Variants in BRD4 observed in about 807,000 individuals in gnomAD.
BRD4 encodes the protein bromodomain containing 4, also known as bromodomain-containing protein 4.
In BRD4, 16 loss-of-function variants were observed where a neutral mutation model predicts 142.1. The ratio of observed to expected loss-of-function variants is 0.11; its 90% CI spans 0.08 to 0.17. The LOEUF is 0.17. BRD4 is among the 10% of genes least tolerant of loss of function. The probability of loss-of-function intolerance (pLI) is 1.00; values close to 1 mark genes in which losing one functional copy is unlikely to be tolerated. For missense variants in BRD4, 1,424 were observed against 1,810.9 expected (o/e 0.79, Z 3.88); for synonymous variants, 833 against 707.5 (o/e 1.18, Z -2.82).
intron 1 of BRD4, among the ~76,000 whole-genome samples, chr19:15,318,415 T>C (rs1311076009): frequency 6.6e-6 from 1 of 152,222 alleles, no homozygotes; most frequent in Non-Finnish European, 1.5e-5. Context: ...TGGTATTATA[T>C]TTCCTATTCC....
intron 5 of BRD4, 93 bp from the exon 6 acceptor site, chr19:15,264,859 G>A: frequency 6.6e-7 from 1 of 1,516,212 alleles, no homozygotes; most frequent in Non-Finnish European, 8.8e-7. Flanking sequence ...CCCTGTCTTG[G>A]GGCCCATCGC....
rs2145569617 is a variant in BRD4, at chr19:15,255,280, AG to A, written c.2047+16del. ...TGCCCACAGAAGGAACCCCATGCCC[AG>A]GGGGCCCAAGCACACCTTGAGGTTT... is the stretch of plus-strand genomic sequence containing the variant. On this transcript the variant is annotated intron_variant, in intron 10 of 19. Transcript: ENST00000679869. The A allele has an allele frequency of 6.2e-7, 1 of 1,601,434 alleles. No homozygotes were observed.
chr19:15,325,549 ACAT>A (rs575703228), intron 1 of BRD4, among the ~76,000 whole-genome samples: 104 of 152,320 alleles, frequency 6.8e-4, no homozygotes, highest in Non-Finnish European at 1.3e-3. Context: ...TTGTTTTCAT[ACAT>A]CATCATTTGT....
In BRD4 at chr19:15,280,335, GCAC is replaced by G. The variant is rs760672667; in HGVS notation, c.-34-7205_-34-7203del. 185 of 1,014,100 alleles carry G rather than the reference GCAC, an allele frequency of 1.8e-4. No individual in the cohort carries two copies. The Middle Eastern group carries it at 3.8e-3, about 21-fold the overall frequency. The allele number at this position is 1,014,100 out of a possible 1,614,324, so 62.8% of individuals were successfully genotyped here. ...ACACGGGTCTTTGGCTTGGCCAGCA[GCAC>G]CACACTTTGCTGTACCCATCAGTGG... On this transcript the variant is annotated intron_variant, in intron 1 of 19. Transcript: ENST00000679869.
At chr19:15,259,199 A>C (rs961474877) in intron 7 of BRD4, among the ~76,000 whole-genome samples, 1 of 152,230 alleles carries the variant, frequency 6.6e-6, no homozygotes, top group Non-Finnish European at 1.5e-5. Context: ...CCTGCTGCCA[A>C]GCAGCAGGAA....
At chr19:15,327,940 C>T (rs779836237) in intron 1 of BRD4, among the ~76,000 whole-genome samples, 43 of 124,084 alleles carry the variant, frequency 3.5e-4, no homozygotes, top group Non-Finnish European at 5.5e-4. Flanking sequence ...GTGGAAATGT[C>T]CTAAAATTGG....
chr19:15,328,356 C>A (rs1229662346), intron 1 of BRD4, among the ~76,000 whole-genome samples: 1 of 152,046 alleles, frequency 6.6e-6, no homozygotes, highest in Non-Finnish European at 1.5e-5. Context: ...TGTTTATTGC[C>A]CACTTCATAT....
chr19:15,299,414 G>A (rs1412383252), intron 1 of BRD4, among the ~76,000 whole-genome samples: 1 of 152,070 alleles, frequency 6.6e-6, no homozygotes, highest in East Asian at 1.9e-4. Flanking sequence ...CACACATTCC[G>A]CACACAGATT....
intron 1 of BRD4, among the ~76,000 whole-genome samples, chr19:15,291,262 C>G (rs536309421): frequency 9.9e-5 from 15 of 152,112 alleles, no homozygotes; most frequent in Admixed American, 9.8e-4. Context: ...CTCAGTATCC[C>G]CATCATTTGA....
chr19:15,300,602 G>A (rs2047859250), intron 1 of BRD4, among the ~76,000 whole-genome samples: 1 of 151,236 alleles, frequency 6.6e-6, no homozygotes, highest in African/African-American at 2.4e-5. Flanking sequence ...GTGGGGTAGG[G>A]CAATCACCCG....
rs1011714125 is a variant in BRD4 at position 15,238,570 on chromosome 19, A to G, written c.4021-125T>C. 3.3e-6 allele frequency: 5 copies of G among 1,534,316 alleles called. No homozygotes were observed. The African/African-American group carries it at 6.9e-5, about 21-fold the overall frequency. On this transcript the variant is annotated intron_variant, in intron 19 of 19. Coordinates refer to ENST00000679869, the MANE Select transcript of BRD4 (RefSeq NM_001379291.1). This position sits in a 1 kb window ranked among gnomAD's most constrained non-coding sequence, Gnocchi z 7.2. ...CCGTGGCTGACCCCTCATAGCGCTCACCCCGTCCACACAGCACTCAGGGCC... is the reference window on the plus strand; with the variant it reads ...CCGTGGCTGACCCCTCATAGCGCTCGCCCCGTCCACACAGCACTCAGGGCC...
chr19:15,328,675 T>C (rs968196804), intron 1 of BRD4, among the ~76,000 whole-genome samples: 1 of 152,236 alleles, frequency 6.6e-6, no homozygotes, highest in East Asian at 1.9e-4. Context: ...GTTTATTCAT[T>C]GAGACTATTT....
intron 1 of BRD4, among the ~76,000 whole-genome samples, chr19:15,286,463 T>C (rs915719280): frequency 6.6e-6 from 1 of 152,230 alleles, no homozygotes; most frequent in Non-Finnish European, 1.5e-5. Flanking sequence ...CTTGCACATC[T>C]GCGCATGTCC....
intron 11 of BRD4, chr19:15,252,908 A>T (rs903020884): frequency 2.8e-5 from 5 of 180,008 alleles, no homozygotes; most frequent in Non-Finnish European, 5.9e-5. Flanking sequence ...GTGCACACAC[A>T]CCTCAGAGCA....
intron 1 of BRD4, among the ~76,000 whole-genome samples, chr19:15,309,577 G>GA (rs1171662332): frequency 1.3e-5 from 2 of 152,106 alleles, no homozygotes; most frequent in Non-Finnish European, 2.9e-5. Context: ...TATGCCAAGA[G>GA]AAAGGGAAAC....
intron 1 of BRD4, among the ~76,000 whole-genome samples, chr19:15,328,270 G>A (rs2048126781): frequency 6.6e-6 from 1 of 151,998 alleles, no homozygotes; most frequent in South Asian, 2.1e-4. Context: ...TTAAAAATGT[G>A]TTCAATGTTT....
At chr19:15,314,873 T>C (rs1044619584) in intron 1 of BRD4, among the ~76,000 whole-genome samples, 3 of 152,130 alleles carry the variant, frequency 2.0e-5, no homozygotes, top group Non-Finnish European at 4.4e-5. Context: ...AAGTAAGGTC[T>C]AGACCAGACC....
intron 4 of BRD4, among the ~76,000 whole-genome samples, chr19:15,266,788 T>C (rs2047538628): frequency 6.6e-6 from 1 of 152,210 alleles, no homozygotes; most frequent in African/African-American, 2.4e-5. Flanking sequence ...AATGTCACCC[T>C]TCTGCAGCAT....
At chr19:15,271,922 C>T (rs574646886) in intron 2 of BRD4, among the ~76,000 whole-genome samples, 2 of 150,090 alleles carry the variant, frequency 1.3e-5, no homozygotes, top group Non-Finnish European at 2.9e-5. Context: ...ACACCAGTGG[C>T]TCTGGTGTGC....
Sources: allele counts gnomAD v4.1 joint callset (sites outside exome capture counted in the v4.1 genomes callset), GRCh38; gene constraint gnomAD v4.1.1; non-coding constraint Gnocchi (gnomAD v3.1); transcripts MANE v1.5; gene names NCBI Gene and HGNC (gene_info 2026-07-23, HGNC 2026-07-21).